LCA5: variants seen among roughly 807,000 people sequenced by gnomAD.
LCA5 encodes lebercilin.
A neutral mutation model predicts 53.0 loss-of-function variants in LCA5; 37 were observed. That is an observed-to-expected ratio of 0.70 (90% CI 0.54 to 0.92). LCA5 has a LOEUF of 0.92. Ranked by LOEUF, LCA5 falls within the 40% of genes least tolerant of loss-of-function variation. LCA5 has a pLI of 0.00. For synonymous variants in LCA5, 303 were observed against 282.9 expected (o/e 1.07, Z -0.71); for missense variants, 806 against 790.5 (o/e 1.02, Z -0.23).
At chr6:79,512,323 G>C (rs1468690147) in intron 3 of LCA5, among the ~76,000 whole-genome samples, 1 of 151,840 alleles carries the variant, frequency 6.6e-6, no homozygotes, top group Non-Finnish European at 1.5e-5. Context: ...AATTTTGGAG[G>C]AAAAAAATAG....
Position 79,530,041 on chromosome 6 carries a change from C to T in LCA5, c.-192+7124G>A, listed in dbSNP as rs534900644. On this transcript the variant is annotated intron_variant, in intron 1 of 7. Coordinates refer to ENST00000369846, the MANE Select transcript of LCA5 (RefSeq NM_001122769.3). ...TAATGGGTGCAGCACACCAACATGGCACACATATACATATGTAACAAACCT... is the reference window on the plus strand; with the variant it reads ...TAATGGGTGCAGCACACCAACATGGTACACATATACATATGTAACAAACCT... Among the ~76,000 whole-genome samples the T allele has an allele frequency of 1.8e-3, 266 of 151,846 alleles. 2 individuals carry two copies. Among genetic ancestry groups the T allele is most frequent in the African/African-American group, 6.1e-3 (254 of 41,406 alleles).
chr6:79,531,842 C>T (rs992310301), intron 1 of LCA5, among the ~76,000 whole-genome samples: 5 of 152,128 alleles, frequency 3.3e-5, no homozygotes, highest in Non-Finnish European at 5.9e-5. Flanking sequence ...TAATCTGCTT[C>T]CTCTTCCTGA....
At chr6:79,493,884 T>G in intron 3 of LCA5, 134 bp from the exon 4 acceptor site, 1 of 640,886 alleles carries the variant, frequency 1.6e-6, no homozygotes, top group East Asian at 2.8e-5. Flanking sequence ...ATAGTATTCA[T>G]GTACATAAGC....
At chr6:79,506,627 C>T (rs551848123) in intron 3 of LCA5, among the ~76,000 whole-genome samples, 48 of 152,130 alleles carry the variant, frequency 3.2e-4, no homozygotes, top group East Asian at 1.9e-4. Context: ...GCATATTAGC[C>T]GAATTACTAA....
intron 3 of LCA5, among the ~76,000 whole-genome samples, chr6:79,495,292 A>G (rs1421369594): frequency 3.3e-5 from 5 of 152,178 alleles, no homozygotes; most frequent in African/African-American, 1.2e-4. Flanking sequence ...CCACGAAATC[A>G]GTGCCTGGTG....
At chr6:79,521,543 T>C (rs995280457) in intron 1 of LCA5, among the ~76,000 whole-genome samples, 5 of 152,230 alleles carry the variant, frequency 3.3e-5, no homozygotes, top group African/African-American at 1.2e-4. Flanking sequence ...AGCTGGGCAC[T>C]AGAATTTTCA....
chr6:79,527,159 T>C (rs1192864402), intron 1 of LCA5, among the ~76,000 whole-genome samples: 9 of 151,970 alleles, frequency 5.9e-5, no homozygotes, highest in Non-Finnish European at 1.2e-4. Flanking sequence ...TGCAAACAGC[T>C]GAACAGCAGC....
intron 1 of LCA5, among the ~76,000 whole-genome samples, chr6:79,523,417 T>A (rs1444726443): frequency 6.6e-6 from 1 of 152,198 alleles, no homozygotes; most frequent in Non-Finnish European, 1.5e-5. Context: ...TACCTCTCAA[T>A]GTAAGTCTAA....
At chr6:79,523,238 C>T (rs1330208713) in intron 1 of LCA5, among the ~76,000 whole-genome samples, 1 of 152,018 alleles carries the variant, frequency 6.6e-6, no homozygotes, top group Non-Finnish European at 1.5e-5. Flanking sequence ...TCAACAATTC[C>T]TATGGCAAGT....
At chr6:79,503,470 C>T (rs778075017) in intron 3 of LCA5, among the ~76,000 whole-genome samples, 12 of 152,184 alleles carry the variant, frequency 7.9e-5, no homozygotes, top group Non-Finnish European at 1.8e-4. Context: ...AACAGTAGAA[C>T]TCTTGAAGTC....
intron 3 of LCA5, among the ~76,000 whole-genome samples, chr6:79,502,083 G>C (rs1012835273): frequency 1.3e-5 from 2 of 152,208 alleles, no homozygotes; most frequent in South Asian, 4.1e-4. Context: ...CTCACTGATT[G>C]ATAATTTCTA....
chr6:79,501,765 C>T (rs902840508), intron 3 of LCA5, among the ~76,000 whole-genome samples: 2 of 150,544 alleles, frequency 1.3e-5, no homozygotes, highest in Non-Finnish European at 3.0e-5. Flanking sequence ...ACTGTATATA[C>T]TATACTGAGT....
At chr6:79,517,973 G>A (rs1297755329) in intron 2 of LCA5, among the ~76,000 whole-genome samples, 2 of 151,852 alleles carry the variant, frequency 1.3e-5, no homozygotes, top group Non-Finnish European at 2.9e-5. Flanking sequence ...TTTATTAATG[G>A]GTACTGTAAT....
At chr6:79,521,810 G>A (rs899116376) in intron 1 of LCA5, among the ~76,000 whole-genome samples, 1 of 152,000 alleles carries the variant, frequency 6.6e-6, no homozygotes, top group Non-Finnish European at 1.5e-5. Context: ...TTCTGAGGGA[G>A]GAAACACACA....
chr6:79,496,182 A>G (rs566179863), intron 3 of LCA5, among the ~76,000 whole-genome samples: 4 of 152,366 alleles, frequency 2.6e-5, no homozygotes, highest in African/African-American at 4.8e-5. Context: ...AACTAAGCAT[A>G]CAAAATGGCA....
chr6:79,529,165 A>G, intron 1 of LCA5, among the ~76,000 whole-genome samples: 1 of 152,232 alleles, frequency 6.6e-6, no homozygotes, highest in East Asian at 1.9e-4. Context: ...GCAAATGCCC[A>G]TAACTTACCA....
intron 3 of LCA5, 180 bp downstream of exon 3, chr6:79,513,032 T>C (rs1766284574): frequency 1.5e-6 from 1 of 651,198 alleles, no homozygotes; most frequent in African/African-American, 1.8e-5. Flanking sequence ...CTCATTAATG[T>C]ACACAATCTT....
intron 2 of LCA5, among the ~76,000 whole-genome samples, chr6:79,514,977 T>C (rs975643753): frequency 6.6e-6 from 1 of 152,034 alleles, no homozygotes; most frequent in Admixed American, 6.6e-5. Context: ...TGTTTACCCA[T>C]GTTATAAACC....
chr6:79,528,635 G>A (rs908167954), intron 1 of LCA5, among the ~76,000 whole-genome samples: 4 of 152,132 alleles, frequency 2.6e-5, no homozygotes, highest in South Asian at 2.1e-4. Flanking sequence ...CTTAAGGCCC[G>A]AAACCAAATA....
Sources: allele counts gnomAD v4.1 joint callset (sites outside exome capture counted in the v4.1 genomes callset), GRCh38; gene constraint gnomAD v4.1.1; transcripts MANE v1.5; gene names NCBI Gene and HGNC (gene_info 2026-07-23, HGNC 2026-07-21).